Variants in TMEM132C observed in about 807,000 individuals in gnomAD.
The protein encoded by TMEM132C is protein phosphatase 1, regulatory subunit 152.
In TMEM132C, 29 loss-of-function variants were observed where a neutral mutation model predicts 61.4. That is an observed-to-expected ratio of 0.47 (90% CI 0.35 to 0.64). The LOEUF (loss-of-function observed/expected upper bound fraction) is 0.64. Among genes scored for constraint, TMEM132C ranks in the 30% least tolerant of loss-of-function variants. The pLI, the probability that TMEM132C is intolerant of heterozygous loss-of-function variation, is 0.00. For synonymous variants in TMEM132C, 656 were observed against 633.1 expected (o/e 1.04, Z -0.54); for missense variants, 1,408 against 1,476.9 (o/e 0.95, Z 0.76).
intron 4 of TMEM132C, among the ~76,000 whole-genome samples, chr12:128,653,638 C>A (rs980748384): frequency 4.6e-5 from 7 of 152,160 alleles, no homozygotes; most frequent in African/African-American, 1.7e-4. Flanking sequence ...TGTAAATCTT[C>A]CATTTCCTAA....
At chr12:128,502,155 C>T (rs1310315103) in intron 2 of TMEM132C, among the ~76,000 whole-genome samples, 1 of 152,228 alleles carries the variant, frequency 6.6e-6, no homozygotes, top group African/African-American at 2.4e-5. Flanking sequence ...CACATTGCAT[C>T]CAACAACCAT....
chr12:128,526,268 ATT>A (rs1339366473), intron 2 of TMEM132C, among the ~76,000 whole-genome samples: 1 of 152,194 alleles, frequency 6.6e-6, no homozygotes, highest in Non-Finnish European at 1.5e-5. Context: ...ACAGAATTTA[ATT>A]TCTCAGAGTT....
intron 3 of TMEM132C, among the ~76,000 whole-genome samples, chr12:128,586,184 A>G (rs924330233): frequency 6.6e-6 from 1 of 151,842 alleles, no homozygotes; most frequent in Non-Finnish European, 1.5e-5. Context: ...GAGAAAACCT[A>G]AATTTTTGCA....
chr12:128,545,944 C>T (rs1027512302), intron 3 of TMEM132C, among the ~76,000 whole-genome samples: 1 of 152,166 alleles, frequency 6.6e-6, no homozygotes, highest in Non-Finnish European at 1.5e-5. Flanking sequence ...TTACTGGACA[C>T]ATTTTCTTAA....
At chr12:128,350,399 C>A (rs1873302852) in intron 1 of TMEM132C, among the ~76,000 whole-genome samples, 1 of 152,082 alleles carries the variant, frequency 6.6e-6, no homozygotes, top group African/African-American at 2.4e-5. Context: ...GTGACGGGGC[C>A]ACCCCTTAGA....
chr12:128,518,467 T>TTCAGAAGGAAGAAGG (rs1443134869), intron 2 of TMEM132C, among the ~76,000 whole-genome samples: 1 of 152,168 alleles, frequency 6.6e-6, no homozygotes, highest in Non-Finnish European at 1.5e-5. Flanking sequence ...GTTGTTGTAG[T>TTCAGAAGGAAGAAGG]TCAGAAGGAA....
chr12:128,506,139 G>A (rs964536027), intron 2 of TMEM132C, among the ~76,000 whole-genome samples: 2 of 152,172 alleles, frequency 1.3e-5, no homozygotes, highest in Non-Finnish European at 2.9e-5. Flanking sequence ...TCATTAATAT[G>A]TGGCTTTTAT....
At position 128,705,429 on chromosome 12, in the gene TMEM132C, G is replaced by A. The variant is rs763983646; in HGVS notation, c.2461G>A (p.Ala821Thr). ...TGAGGAAGATGAGATCAAGAACCAC[G>A]CCAGCGACCGCCGGCAGAAGGGCCA... Reference protein sequence around the residue: ...DYEEDEIKNHASDRRQKGQHH... With the variant: ...DYEEDEIKNHTSDRRQKGQHH... The change falls in exon 9 of 9, where the codon GCC becomes ACC. Residue 821 changes from alanine to threonine, a missense_variant. Coordinates refer to ENST00000435159, the MANE Select transcript of TMEM132C (RefSeq NM_001136103.3). 1.2e-5 allele frequency: 19 copies of A among 1,550,884 alleles called. No individual in the cohort carries two copies. The highest frequency in any genetic ancestry group is 2.4e-5 in the East Asian group (1 of 40,906).
intron 3 of TMEM132C, among the ~76,000 whole-genome samples, chr12:128,614,502 A>G (rs1443033108): frequency 6.6e-6 from 1 of 152,090 alleles, no homozygotes; most frequent in Non-Finnish European, 1.5e-5. Context: ...GTCATATTTG[A>G]CCACCAGCTG....
intron 1 of TMEM132C, among the ~76,000 whole-genome samples, chr12:128,275,023 G>C (rs1870638076): frequency 6.6e-6 from 1 of 152,220 alleles, no homozygotes; most frequent in Admixed American, 6.5e-5. Flanking sequence ...CTGAAGAGCT[G>C]TTACTAAAAG....
rs1333977936 is a variant in TMEM132C, at chr12:128,603,109, A to G, written c.1122-13043A>G. On this transcript the variant is annotated intron_variant, in intron 3 of 8. Transcript: ENST00000435159. ...CCCCTCTCCACAGGATTCTGCATCT[A>G]GGGGTCTTCATGACACATTGGCTTC... Among the ~76,000 whole-genome samples the G allele has an allele frequency of 2.0e-5, 3 of 152,284 alleles. No homozygotes were observed. In the East Asian group the frequency reaches 5.8e-4, roughly 29 times the overall value.
intron 1 of TMEM132C, among the ~76,000 whole-genome samples, chr12:128,340,793 C>CTCTCTCTCTT (rs879701060): frequency 2.3e-5 from 3 of 129,698 alleles, no homozygotes; most frequent in African/African-American, 1.2e-4. Context: ...CTCTCTCTCT[C>CTCTCTCTCTT]TCTCTCTTTC....
At chr12:128,341,218 T>C (rs1346266912) in intron 1 of TMEM132C, among the ~76,000 whole-genome samples, 1 of 152,156 alleles carries the variant, frequency 6.6e-6, no homozygotes, top group African/African-American at 2.4e-5. Flanking sequence ...CTGTGCTCTT[T>C]CTTTGGGTAT....
At chr12:128,269,290 G>A (rs74913297) in intron 1 of TMEM132C, among the ~76,000 whole-genome samples, 1 of 151,436 alleles carries the variant, frequency 6.6e-6, no homozygotes, top group South Asian at 2.1e-4. Flanking sequence ...TTAACCAGGC[G>A]AACTGGATGT....
At position 128,316,531 on chromosome 12, in the gene TMEM132C, C is replaced by T. The variant is rs2135931000; in HGVS notation, c.85+49044C>T. Reference sequence around the variant, plus strand: ...CCACTGTGAAATCTTTGGTGGAAACCAGGCTTTGCAATAGAAAATGCAGCT... The same window carrying T: ...CCACTGTGAAATCTTTGGTGGAAACTAGGCTTTGCAATAGAAAATGCAGCT... On this transcript the variant is annotated intron_variant, in intron 1 of 8. Transcript: ENST00000435159. 3.9e-5 allele frequency among the ~76,000 whole-genome samples: 6 copies of T among 152,222 alleles called. No homozygotes were observed. The Middle Eastern group carries it at 0.017, about 431-fold the overall frequency.
At chr12:128,446,433 C>T (rs891364095) in intron 2 of TMEM132C, among the ~76,000 whole-genome samples, 1 of 152,246 alleles carries the variant, frequency 6.6e-6, no homozygotes, top group African/African-American at 2.4e-5. Flanking sequence ...GTAAGAAAGT[C>T]TAACTCCTGA....
In TMEM132C at chr12:128,470,674, G is replaced by T. The variant is rs117533157; in HGVS notation, c.974+55054G>T. On this transcript the variant is annotated intron_variant, in intron 2 of 8. Coordinates refer to ENST00000435159, the MANE Select transcript of TMEM132C (RefSeq NM_001136103.3). ...ATGGGGAATAACTGGATTCCGTTCA[G>T]TCAAATTTACTATGCAAGAGGAATG... is the stretch of plus-strand genomic sequence containing the variant. Among the ~76,000 whole-genome samples, 67 of 152,338 alleles carry T rather than the reference G, an allele frequency of 4.4e-4. 1 individual carries two copies. The East Asian group carries it at 0.013, about 29-fold the overall frequency.
intron 2 of TMEM132C, among the ~76,000 whole-genome samples, chr12:128,419,471 A>C (rs1036616341): frequency 6.6e-6 from 1 of 152,212 alleles, no homozygotes; most frequent in Non-Finnish European, 1.5e-5. Context: ...CACAGTGTAC[A>C]CAGGCTTTGT....
At chr12:128,498,293 C>T (rs1266698888) in intron 2 of TMEM132C, among the ~76,000 whole-genome samples, 1 of 151,944 alleles carries the variant, frequency 6.6e-6, no homozygotes, top group African/African-American at 2.4e-5. Context: ...AAACATCAGG[C>T]AGGAAAAAGA....
Sources: allele counts gnomAD v4.1 joint callset (sites outside exome capture counted in the v4.1 genomes callset), GRCh38; gene constraint gnomAD v4.1.1; transcripts MANE v1.5; gene names NCBI Gene and HGNC (gene_info 2026-07-23, HGNC 2026-07-21).